NEK1: variants seen among roughly 807,000 people sequenced by gnomAD.
NEK1 encodes serine/threonine-protein kinase Nek1.
A neutral mutation model predicts 182.1 loss-of-function variants in NEK1; 137 were observed. That is an observed-to-expected ratio of 0.75 (90% CI 0.65 to 0.87). The LOEUF (loss-of-function observed/expected upper bound fraction) is 0.87, where lower values mean the gene tolerates loss of function less well. Among genes scored for constraint, NEK1 ranks in the 40% least tolerant of loss-of-function variants. NEK1 has a pLI of 0.00. For missense variants in NEK1, 1,391 were observed against 1,494.4 expected, an observed-to-expected ratio of 0.93 and a Z score of 1.14; for synonymous variants, 513 against 492.2, an observed-to-expected ratio of 1.04 and a Z score of -0.56.
intron 5 of NEK1, among the ~76,000 whole-genome samples, chr4:169,593,371 G>T (rs538466879): frequency 2.3e-4 from 35 of 152,240 alleles, no homozygotes; most frequent in African/African-American, 8.4e-4. Flanking sequence ...TTGGTTCATG[G>T]GCCATTGTTT....
intron 26 of NEK1, 127 bp downstream of exon 26, chr4:169,476,997 G>GA (rs1224003619): frequency 3.0e-5 from 19 of 635,288 alleles, no homozygotes; most frequent in Non-Finnish European, 2.5e-6. Flanking sequence ...CGCCCAAAAG[G>GA]AAAATATATA....
chr4:169,470,073 CTT>C (rs563625293), intron 26 of NEK1, among the ~76,000 whole-genome samples: 121 of 151,650 alleles, frequency 8.0e-4, no homozygotes, highest in Middle Eastern at 3.4e-3. Context: ...AGTCTTGACT[CTT>C]TATCCAATTT....
intron 28 of NEK1, among the ~76,000 whole-genome samples, chr4:169,434,540 C>G (rs1288334819): frequency 6.6e-6 from 1 of 152,144 alleles, no homozygotes; most frequent in Non-Finnish European, 1.5e-5. Flanking sequence ...CAAGATGTTA[C>G]CTCTGTTTTC....
At chr4:169,472,828 C>G (rs1746259920) in intron 26 of NEK1, among the ~76,000 whole-genome samples, 1 of 152,062 alleles carries the variant, frequency 6.6e-6, no homozygotes, top group Non-Finnish European at 1.5e-5. Context: ...ACATGCAGTA[C>G]AAATAAGACA....
intron 18 of NEK1, among the ~76,000 whole-genome samples, chr4:169,550,842 A>C (rs1226991176): frequency 6.6e-6 from 1 of 152,192 alleles, no homozygotes; most frequent in Non-Finnish European, 1.5e-5. Context: ...CTTTTGGGCC[A>C]CTTTTGCTAT....
intron 35 of NEK1, among the ~76,000 whole-genome samples, chr4:169,397,148 C>T (rs540765923): frequency 6.6e-6 from 1 of 151,952 alleles, no homozygotes; most frequent in East Asian, 1.9e-4. Context: ...TGCTTGAGCC[C>T]AGGAGGCGGA....
intron 26 of NEK1, among the ~76,000 whole-genome samples, chr4:169,475,250 GA>G (rs372748554): frequency 1.3e-5 from 2 of 151,920 alleles, no homozygotes; most frequent in Non-Finnish European, 2.9e-5. Flanking sequence ...CCCAAGTTAG[GA>G]AAAAAAGCAC....
In NEK1 at chr4:169,585,428, G is replaced by C. The variant is rs772166612; in HGVS notation, c.728C>G (p.Pro243Arg). The C allele has an allele frequency of 6.2e-7, 1 of 1,613,528 alleles. No homozygotes were observed. The highest frequency in any genetic ancestry group is 8.5e-7 in the Non-Finnish European group (1 of 1,179,634). ...GGAGTTGACTGATGGTCTATCCCTAGGATTTCTTTTAAATAACTGAGACAC... is the reference window on the plus strand; with the variant it reads ...GGAGTTGACTGATGGTCTATCCCTACGATTTCTTTTAAATAACTGAGACAC... ...SLVSQLFKRN[P>R]RDRPSVNSIL... The change falls in exon 10 of 36, where the codon CCT becomes CGT. Residue 243 changes from proline to arginine, a missense_variant. By Grantham distance (103) the Pro-to-Arg change is moderately radical. Coordinates refer to ENST00000507142, the MANE Select transcript of NEK1 (RefSeq NM_001199397.3).
chr4:169,410,785 T>G (rs1483450392), intron 31 of NEK1, among the ~76,000 whole-genome samples: 1 of 152,238 alleles, frequency 6.6e-6, no homozygotes, highest in Non-Finnish European at 1.5e-5. Flanking sequence ...GCATTTGCTT[T>G]AACAAGAAAT....
At chr4:169,588,540 T>C in intron 8 of NEK1, 109 bp downstream of exon 8, 1 of 629,410 alleles carries the variant, frequency 1.6e-6, no homozygotes, top group Admixed American at 2.8e-5. Flanking sequence ...TACATATGTG[T>C]TTACATGTAT....
intron 23 of NEK1, among the ~76,000 whole-genome samples, chr4:169,495,984 T>A (rs1401036939): frequency 6.6e-6 from 1 of 152,206 alleles, no homozygotes; most frequent in Non-Finnish European, 1.5e-5. Flanking sequence ...ATCTATAAAT[T>A]ACCTTGGGAA....
intron 27 of NEK1, among the ~76,000 whole-genome samples, chr4:169,448,415 T>C (rs1274743743): frequency 6.6e-6 from 1 of 152,000 alleles, no homozygotes; most frequent in Non-Finnish European, 1.5e-5. Context: ...TTATACCTCA[T>C]AGTACCCTCA....
intron 23 of NEK1, among the ~76,000 whole-genome samples, chr4:169,504,554 A>T (rs1377658478): frequency 6.6e-6 from 1 of 152,206 alleles, no homozygotes; most frequent in Non-Finnish European, 1.5e-5. Context: ...TCAGCCATAA[A>T]ATAGAATGAG....
At chr4:169,445,320 G>A (rs1258020278) in intron 27 of NEK1, among the ~76,000 whole-genome samples, 1 of 152,070 alleles carries the variant, frequency 6.6e-6, no homozygotes, top group Non-Finnish European at 1.5e-5. Flanking sequence ...AGTTCCTCAG[G>A]AGGCTAAGGT....
intron 12 of NEK1, among the ~76,000 whole-genome samples, chr4:169,566,981 G>C (rs998389944): frequency 6.6e-6 from 1 of 152,010 alleles, no homozygotes; most frequent in Middle Eastern, 3.2e-3. Flanking sequence ...TGTAGTCCCA[G>C]CTACTTGGGA....
chr4:169,601,308 T>C (rs1770455836), intron 4 of NEK1, among the ~76,000 whole-genome samples: 1 of 152,170 alleles, frequency 6.6e-6, no homozygotes, highest in African/African-American at 2.4e-5. Context: ...ATTACCTGGT[T>C]TTTAGTTTAC....
At chr4:169,591,369 G>T (rs1025769698) in intron 5 of NEK1, among the ~76,000 whole-genome samples, 1 of 151,834 alleles carries the variant, frequency 6.6e-6, no homozygotes, top group African/African-American at 2.4e-5. Context: ...CCAGGCTAGT[G>T]GTCTTGAACT....
intron 35 of NEK1, 117 bp downstream of exon 35, chr4:169,400,108 T>C (rs1250571880): frequency 5.1e-6 from 5 of 979,536 alleles, no homozygotes; most frequent in Non-Finnish European, 8.0e-6. Context: ...TTAAAAGTTA[T>C]ATAGTTCCCA....
In NEK1 at chr4:169,438,218, C is replaced by A; in HGVS notation, c.2629G>T (p.Gly877Ter). 1 of 1,569,362 alleles carries A rather than the reference C, an allele frequency of 6.4e-7. No individual in the cohort carries two copies. The highest frequency in any genetic ancestry group is 2.3e-5 in the East Asian group (1 of 43,258). ...GAAATACATTGTACTTTTTTTTCTC[C>A]AGTAATTAAGGGTTTGTACTTTTCC... ...EGEKYKPLIT[G>*]EKKVQCISHE... is the part of the protein sequence containing the mutation. The change falls in exon 28 of 36, where the codon GGA becomes TGA. Residue 877 changes from glycine (G) to a stop codon, truncating the protein, a stop_gained. Coordinates refer to ENST00000507142, the MANE Select transcript of NEK1 (RefSeq NM_001199397.3). LOFTEE classifies it high-confidence loss of function.
Sources: allele counts gnomAD v4.1 joint callset (sites outside exome capture counted in the v4.1 genomes callset), GRCh38; gene constraint gnomAD v4.1.1; transcripts MANE v1.5; gene names NCBI Gene and HGNC (gene_info 2026-07-23, HGNC 2026-07-21).